The following RGPD1 variants were observed in gnomAD, a reference collection of about 807,000 sequenced individuals.
The protein encoded by RGPD1 is RANBP2 like and GRIP domain containing 1.
Under a neutral mutation model 40.6 loss-of-function variants are expected in RGPD1, and 7 were observed. That is an observed-to-expected ratio of 0.17 (90% CI 0.10 to 0.32). The LOEUF (loss-of-function observed/expected upper bound fraction) is 0.32, where lower values mean the gene tolerates loss of function less well. RGPD1 is among the 10% of genes least tolerant of loss of function. The probability of loss-of-function intolerance (pLI) is 1.00; values close to 1 mark genes in which losing one functional copy is unlikely to be tolerated. For synonymous variants in RGPD1, 24 were observed against 167.0 expected (o/e 0.14, Z 6.60); for missense variants, 50 against 472.5 (o/e 0.11, Z 8.29).
chr2:86,913,990 C>CGGCCTCGACCTGGCGG (rs1677577147), intron 1 of RGPD1: 2 of 896,780 alleles, frequency 2.2e-6, no homozygotes, highest in African/African-American at 1.1e-4. Context: ...GGCCGGGCGG[C>CGGCCTCGACCTGGCGG]GGCGGCGGCC....
At chr2:86,930,539 A>G (rs1678862126) in intron 1 of RGPD1, 1 of 1,573,136 alleles carries the variant, frequency 6.4e-7, no homozygotes, top group Non-Finnish European at 8.7e-7. Context: ...GGAAGGCCCA[A>G]CAGCAGCTAA....
chr2:86,913,837 G>A (rs761458466), exon 1 of RGPD1: 1 of 1,571,794 alleles, frequency 6.4e-7, no homozygotes, highest in Non-Finnish European at 8.6e-7. Flanking sequence ...TCGGGAGCCA[G>A]GTTGGCGGTG....
intron 1 of RGPD1, among the ~76,000 whole-genome samples, chr2:86,914,466 C>T (rs1244348904): frequency 6.7e-5 from 1 of 15,034 alleles, no homozygotes; most frequent in South Asian, 3.7e-3. Flanking sequence ...GCGGCGGCGG[C>T]GGCGGCGGCC....
upstream of RGPD1, among the ~76,000 whole-genome samples, chr2:86,941,797 G>A (rs1250222892): frequency 2.7e-5 from 4 of 149,718 alleles, no homozygotes; most frequent in African/African-American, 7.5e-5. Context: ...TGCAACCCTC[G>A]CCTCTCAGTT....
intron 1 of RGPD1, among the ~76,000 whole-genome samples, chr2:86,945,218 C>T (rs941599701): frequency 1.3e-5 from 2 of 152,036 alleles, no homozygotes; most frequent in East Asian, 1.9e-4. Flanking sequence ...ATTATGACCA[C>T]CTCTCTTACA....
intron 1 of RGPD1, among the ~76,000 whole-genome samples, chr2:86,923,201 GC>G (rs1678163950): frequency 6.7e-6 from 1 of 150,098 alleles, no homozygotes; most frequent in Non-Finnish European, 1.5e-5. Context: ...ACCATGCCCG[GC>G]TAATTTTTGT....
intron 1 of RGPD1, among the ~76,000 whole-genome samples, chr2:86,924,928 A>T (rs996575185): frequency 1.4e-5 from 2 of 146,864 alleles, no homozygotes; most frequent in Non-Finnish European, 3.1e-5. Context: ...CCTGGGCAAC[A>T]TATTATATAG....
intron 22 of RGPD1, among the ~76,000 whole-genome samples, chr2:87,008,846 A>G (rs1487425667): frequency 1.7e-5 from 1 of 58,118 alleles, no homozygotes; most frequent in Non-Finnish European, 3.2e-5. Flanking sequence ...GATATGGCCA[A>G]TGAAAGAATC....
chr2:87,006,413 TTAAA>T (rs1347376592), intron 22 of RGPD1, among the ~76,000 whole-genome samples: 1 of 50,116 alleles, frequency 2.0e-5, no homozygotes, highest in Admixed American at 2.3e-4. Context: ...ACATATTAGT[TTAAA>T]TAAAATGTAT....
upstream of RGPD1, among the ~76,000 whole-genome samples, chr2:86,941,862 C>A (rs1020815894): frequency 6.6e-6 from 1 of 151,588 alleles, no homozygotes; most frequent in African/African-American, 2.4e-5. Context: ...AGGGGCCCAC[C>A]TCCACGCCCG....
chr2:86,942,445 C>T (rs1414583783), intron 1 of RGPD1, 137 bp downstream of exon 1: 1 of 771,296 alleles, frequency 1.3e-6, no homozygotes. Flanking sequence ...GCGCTGCTCC[C>T]TGGCGCGCTC....
rs1558799770 is a variant in RGPD1, at chr2:86,942,561, G to GGCCGGGCGGCGGCGGCGGCCTCGACC, written c.72+253_72+254insGCCGGGCGGCGGCGGCGGCCTCGACC. Among the ~76,000 whole-genome samples the GGCCGGGCGGCGGCGGCGGCCTCGACC allele has an allele frequency of 3.4e-3, 150 of 43,976 alleles. 10 individuals carry two copies. Among genetic ancestry groups the GGCCGGGCGGCGGCGGCGGCCTCGACC allele is most frequent in the Middle Eastern group, 0.011 (1 of 90 alleles). 28.8% of individuals were successfully genotyped at this position (43,976 alleles called of 152,430 possible). A position where few individuals can be genotyped will look rare whatever the true frequency, so the allele number is the denominator to read the frequency against. On this transcript the variant is annotated intron_variant, in intron 1 of 22. Transcript: ENST00000641458. ...GCCGGGCGGCGGCGGCGGCCTCGACGTGGCCCGGCGGCGGCCTCGATGGCT... is the reference window on the plus strand; with the variant it reads ...GCCGGGCGGCGGCGGCGGCCTCGACGGCCGGGCGGCGGCGGCGGCCTCGACCTGGCCCGGCGGCGGCCTCGATGGCT...
chr2:86,943,556 G>A lies in RGPD1; in HGVS notation c.72+1248G>A, dbSNP rs969625274. Among the ~76,000 whole-genome samples the A allele has an allele frequency of 5.9e-5, 9 of 152,008 alleles. No individual in the cohort carries two copies. In the South Asian group the frequency reaches 6.2e-4, roughly 11 times the overall value. On this transcript the variant is annotated intron_variant, in intron 1 of 22. Transcript: ENST00000641458. ...TGGCTTGAATAATCACAGCACTGTCGTTTATAAGCTGGGTATTTGGGGCCA... is the reference window on the plus strand; with the variant it reads ...TGGCTTGAATAATCACAGCACTGTCATTTATAAGCTGGGTATTTGGGGCCA...
At chr2:86,922,949 C>T (rs1379497043) in intron 1 of RGPD1, among the ~76,000 whole-genome samples, 1 of 113,620 alleles carries the variant, frequency 8.8e-6, no homozygotes, top group Non-Finnish European at 1.8e-5. Context: ...ATCAACTGAT[C>T]ACCTGAAATG....
At chr2:86,915,354 T>G (rs1231277901) in intron 1 of RGPD1, among the ~76,000 whole-genome samples, 1 of 149,514 alleles carries the variant, frequency 6.7e-6, no homozygotes, top group African/African-American at 2.5e-5. Context: ...TTTTAGGAAT[T>G]TTCACTGCTG....
At chr2:86,942,599 C>T (rs1279067767) in intron 1 of RGPD1, among the ~76,000 whole-genome samples, 5 of 129,272 alleles carry the variant, frequency 3.9e-5, no homozygotes, top group East Asian at 2.3e-4. Flanking sequence ...GGCGTCATGG[C>T]TCCCGACGGG....
chr2:86,938,763 G>A (rs899816509), upstream of RGPD1, among the ~76,000 whole-genome samples: 1 of 138,758 alleles, frequency 7.2e-6, no homozygotes, highest in African/African-American at 2.7e-5. Flanking sequence ...AGTCATTACT[G>A]AAACAGTTGT....
At chr2:87,009,304 CAA>C (rs1232188789) in intron 22 of RGPD1, among the ~76,000 whole-genome samples, 9 of 1,160 alleles carry the variant, frequency 7.8e-3, no homozygotes, top group African/African-American at 0.011. Context: ...GACTCTGTCT[CAA>C]AAAAAAAAAA....
chr2:86,926,493 C>G (rs1327325308), intron 1 of RGPD1, among the ~76,000 whole-genome samples: 1 of 151,802 alleles, frequency 6.6e-6, no homozygotes, highest in African/African-American at 2.4e-5. Flanking sequence ...ATAATACTCC[C>G]CTTTGGGAGG....
Sources: allele counts gnomAD v4.1 joint callset (sites outside exome capture counted in the v4.1 genomes callset), GRCh38; gene constraint gnomAD v4.1.1; transcripts MANE v1.5; gene names NCBI Gene and HGNC (gene_info 2026-07-23, HGNC 2026-07-21).